GALNTL6: variants seen among roughly 807,000 people sequenced by gnomAD.
The protein encoded by GALNTL6 is polypeptide N-acetylgalactosaminyltransferase like 6.
In GALNTL6, 46 loss-of-function variants were observed where a neutral mutation model predicts 73.7. The observed-to-expected ratio is 0.62, with a 90% confidence interval of 0.49 to 0.80. The LOEUF (loss-of-function observed/expected upper bound fraction) is 0.80, where lower values mean the gene tolerates loss of function less well. Ranked by LOEUF, GALNTL6 falls within the 30% of genes least tolerant of loss-of-function variation. The pLI, the probability that GALNTL6 is intolerant of heterozygous loss-of-function variation, is 0.00. For synonymous variants in GALNTL6, 259 were observed against 263.7 expected (o/e 0.98, Z 0.17); for missense variants, 604 against 755.0 (o/e 0.80, Z 2.34).
intron 5 of GALNTL6, among the ~76,000 whole-genome samples, chr4:172,713,692 C>G (rs950722896): frequency 6.6e-6 from 1 of 152,062 alleles, no homozygotes; most frequent in African/African-American, 2.4e-5. Context: ...AGTCAGAAAC[C>G]AGGGAGTCTG....
chr4:171,874,180 G>C (rs1665517951), intron 2 of GALNTL6, among the ~76,000 whole-genome samples: 18 of 152,024 alleles, frequency 1.2e-4, no homozygotes, highest in Admixed American at 1.2e-3. Flanking sequence ...ACAAATCAAG[G>C]ACTGACTCTC....
chr4:172,184,955 T>C lies in GALNTL6; in HGVS notation c.139-44701T>C, dbSNP rs555292335. 2.0e-5 allele frequency among the ~76,000 whole-genome samples: 3 copies of C among 152,308 alleles called. No homozygotes were observed. In the South Asian group the frequency reaches 6.2e-4, roughly 32 times the overall value. ...TGGCCTAATCACCTCATATTTGACT[T>C]CACTTCCCAACACTGTTGCATTGGG... is the stretch of plus-strand genomic sequence containing the variant. On this transcript the variant is annotated intron_variant, in intron 2 of 12. Coordinates refer to ENST00000506823, the MANE Select transcript of GALNTL6 (RefSeq NM_001034845.3).
At chr4:171,907,422 G>C (rs1737326207) in intron 2 of GALNTL6, among the ~76,000 whole-genome samples, 3 of 151,796 alleles carry the variant, frequency 2.0e-5, no homozygotes, top group Admixed American at 2.0e-4. Context: ...AAATACCTAG[G>C]AATCCAACTT....
At chr4:172,206,973 A>T (rs1028782139) in intron 2 of GALNTL6, among the ~76,000 whole-genome samples, 1 of 149,984 alleles carries the variant, frequency 6.7e-6, no homozygotes, top group African/African-American at 2.5e-5. Flanking sequence ...ACCCACCACC[A>T]CGCCCGGCTA....
chr4:172,577,556 A>C (rs1266121851), intron 5 of GALNTL6, among the ~76,000 whole-genome samples: 2 of 151,990 alleles, frequency 1.3e-5, no homozygotes, highest in Non-Finnish European at 2.9e-5. Context: ...CTCATTTTCC[A>C]CTGTATACCA....
chr4:172,314,633 A>T (rs1262493977), intron 4 of GALNTL6, among the ~76,000 whole-genome samples: 23 of 112,822 alleles, frequency 2.0e-4, no homozygotes, highest in African/African-American at 7.4e-4. Context: ...TTTGAGGCAG[A>T]GTCTCCCTCT....
At chr4:172,846,700 A>G (rs1402831073) in intron 7 of GALNTL6, among the ~76,000 whole-genome samples, 1 of 152,212 alleles carries the variant, frequency 6.6e-6, no homozygotes, top group Non-Finnish European at 1.5e-5. Context: ...ATGAGTTAAA[A>G]TCATTCCTAT....
chr4:172,142,586 C>G (rs1420847928), intron 2 of GALNTL6, among the ~76,000 whole-genome samples: 4 of 151,914 alleles, frequency 2.6e-5, no homozygotes, highest in Non-Finnish European at 5.9e-5. Context: ...TAAACTATAC[C>G]AGAATTAAAA....
At chr4:172,773,757 C>A (rs1738910209) in intron 5 of GALNTL6, among the ~76,000 whole-genome samples, 1 of 152,166 alleles carries the variant, frequency 6.6e-6, no homozygotes, top group African/African-American at 2.4e-5. Context: ...CTCAAAGTGG[C>A]AGAGCTGGGA....
chr4:171,918,598 A>C (rs891454746), intron 2 of GALNTL6, among the ~76,000 whole-genome samples: 8 of 152,156 alleles, frequency 5.3e-5, no homozygotes, highest in African/African-American at 1.4e-4. Flanking sequence ...TCCTCAAAAA[A>C]TTTTAAAATA....
At chr4:172,739,025 T>C (rs1033485629) in intron 5 of GALNTL6, among the ~76,000 whole-genome samples, 1 of 152,194 alleles carries the variant, frequency 6.6e-6, no homozygotes, top group Non-Finnish European at 1.5e-5. Flanking sequence ...TAAATGTTTC[T>C]TATCAAACTT....
intron 2 of GALNTL6, among the ~76,000 whole-genome samples, chr4:172,184,000 C>T (rs1354577102): frequency 6.6e-6 from 1 of 152,038 alleles, no homozygotes; most frequent in Non-Finnish European, 1.5e-5. Flanking sequence ...ACCATGTTGG[C>T]CAGGATGGTC....
intron 2 of GALNTL6, among the ~76,000 whole-genome samples, chr4:172,150,182 T>C (rs1734040502): frequency 6.6e-6 from 1 of 152,222 alleles, no homozygotes; most frequent in South Asian, 2.1e-4. Flanking sequence ...AGTCCCCATA[T>C]AATTCAGTGG....
intron 3 of GALNTL6, among the ~76,000 whole-genome samples, chr4:172,265,899 A>T (rs1293882997): frequency 6.6e-6 from 1 of 152,106 alleles, no homozygotes; most frequent in African/African-American, 2.4e-5. Context: ...GGAAAAAAAA[A>T]GTTTGATATA....
At chr4:171,943,062 G>C (rs1738598174) in intron 2 of GALNTL6, among the ~76,000 whole-genome samples, 1 of 152,114 alleles carries the variant, frequency 6.6e-6, no homozygotes, top group Non-Finnish European at 1.5e-5. Context: ...TTCTCTCAAG[G>C]GGGTAGGATT....
At chr4:172,250,631 G>A (rs1737827441) in intron 3 of GALNTL6, among the ~76,000 whole-genome samples, 2 of 152,060 alleles carry the variant, frequency 1.3e-5, no homozygotes, top group Non-Finnish European at 1.5e-5. Flanking sequence ...TTGCCACCAC[G>A]TGCAGAAGGA....
intron 2 of GALNTL6, among the ~76,000 whole-genome samples, chr4:172,086,749 C>T (rs1314461263): frequency 6.6e-6 from 1 of 152,076 alleles, no homozygotes; most frequent in Non-Finnish European, 1.5e-5. Flanking sequence ...TTCTTATTGA[C>T]TTCTTATTAT....
chr4:172,069,555 G>GTTATACATAACACATATGTGTTATATATA lies in GALNTL6; in HGVS notation c.139-160096_139-160095insCATAACACATATGTGTTATATATATTATA, dbSNP rs1731473086. On this transcript the variant is annotated intron_variant, in intron 2 of 12. Coordinates refer to ENST00000506823, the MANE Select transcript of GALNTL6 (RefSeq NM_001034845.3). ...CATATATTATATATAACACATATAT[G>GTTATACATAACACATATGTGTTATATATA]TTATATATAACACATATATGTTATA... 1.0e-3 allele frequency among the ~76,000 whole-genome samples: 62 copies of GTTATACATAACACATATGTGTTATATATA among 60,928 alleles called. 18 individuals carry two copies. Among genetic ancestry groups the GTTATACATAACACATATGTGTTATATATA allele is most frequent in the Non-Finnish European group, 1.9e-3 (56 of 30,144 alleles). The allele number at this position is 60,928 out of a possible 152,430, so 40.0% of individuals were successfully genotyped here.
chr4:172,877,515 A>G (rs1048496176), intron 7 of GALNTL6, among the ~76,000 whole-genome samples: 9 of 152,122 alleles, frequency 5.9e-5, no homozygotes, highest in African/African-American at 2.2e-4. Context: ...CTGATACCAA[A>G]TAAAGAATGG....
Sources: gnomAD v4.1 joint callset for allele counts (sites outside exome capture counted in the v4.1 genomes callset) on GRCh38, gnomAD v4.1.1 for gene constraint, MANE v1.5 for transcripts, NCBI Gene and HGNC (gene_info 2026-07-23, HGNC 2026-07-21) for gene names.